The following TNRC6C variants were observed in gnomAD, a reference collection of about 807,000 sequenced individuals.
The protein encoded by TNRC6C is trinucleotide repeat containing adaptor 6C.
In TNRC6C, 20 loss-of-function variants were observed where a neutral mutation model predicts 153.7. The observed-to-expected ratio is 0.13, with a 90% CI of 0.09 to 0.19. The LOEUF is 0.19. Ranked by LOEUF, TNRC6C falls within the 10% of genes least tolerant of loss-of-function variation. The pLI is 1.00. For synonymous variants in TNRC6C, 811 were observed against 841.4 expected, an observed-to-expected ratio of 0.96 and a Z score of 0.63; for missense variants, 1,987 against 2,172.0, an observed-to-expected ratio of 0.91 and a Z score of 1.69.
chr17:78,056,114 T>G (rs551129430), intron 3 of TNRC6C, among the ~76,000 whole-genome samples: 4 of 151,874 alleles, frequency 2.6e-5, no homozygotes, highest in African/African-American at 9.7e-5. Flanking sequence ...CCTCCCAAAG[T>G]GTTGGGATCA....
At chr17:77,963,694 G>T (rs1408115187) in intron 1 of TNRC6C, among the ~76,000 whole-genome samples, 1 of 152,178 alleles carries the variant, frequency 6.6e-6, no homozygotes, top group Non-Finnish European at 1.5e-5. Flanking sequence ...TGAGCCCTCT[G>T]TGGCTGCAAA....
chr17:78,057,881 G>A (rs1013706390), intron 3 of TNRC6C, among the ~76,000 whole-genome samples: 4 of 151,996 alleles, frequency 2.6e-5, no homozygotes, highest in African/African-American at 9.7e-5. Context: ...AATCATTTTT[G>A]TCCTATGCTT....
At chr17:78,083,940 G>T (rs1357286165) in intron 11 of TNRC6C, among the ~76,000 whole-genome samples, 1 of 152,068 alleles carries the variant, frequency 6.6e-6, no homozygotes, top group Non-Finnish European at 1.5e-5. Context: ...TTTAATGTGG[G>T]TATCTGATTT....
At chr17:78,066,430 A>G (rs1271406772) in intron 4 of TNRC6C, 1 of 151,888 alleles carries the variant, frequency 6.6e-6, no homozygotes, top group African/African-American at 2.4e-5. Flanking sequence ...TATTCCATTT[A>G]TATTACTTTT....
At chr17:78,084,026 A>G (rs4789530) in intron 11 of TNRC6C, among the ~76,000 whole-genome samples, 35,104 of 151,998 alleles carry the variant, frequency 0.23, 4,804 homozygotes, top group East Asian at 0.38. Context: ...GCTCATGCCT[A>G]TAATCCCAGC....
chr17:77,992,497 CAAAAAAA>C (rs1333860215), intron 1 of TNRC6C, among the ~76,000 whole-genome samples: 1 of 29,538 alleles, frequency 3.4e-5, no homozygotes, highest in Non-Finnish European at 5.2e-5. Context: ...GACTCCGTCT[CAAAAAAA>C]AAAAAAAAAA....
intron 17 of TNRC6C, among the ~76,000 whole-genome samples, chr17:78,099,899 G>GGTACAGGCATTGGGTAA (rs879795743): frequency 6.2e-4 from 95 of 152,296 alleles, no homozygotes; most frequent in Non-Finnish European, 1.1e-3. Context: ...ATACAATGGG[G>GGTACAGGCATTGGGTAA]GTACAGGCAT....
At chr17:78,009,472 A>G (rs566782329) in intron 1 of TNRC6C, among the ~76,000 whole-genome samples, 31 of 152,332 alleles carry the variant, frequency 2.0e-4, no homozygotes, top group African/African-American at 7.0e-4. Flanking sequence ...TTTCATACAA[A>G]AAGCTCAAAG....
chr17:78,034,258 T>C (rs1298235898), intron 2 of TNRC6C, among the ~76,000 whole-genome samples: 2 of 152,064 alleles, frequency 1.3e-5, no homozygotes, highest in African/African-American at 2.4e-5. Context: ...CATTTCACCA[T>C]GTTGGTCAGG....
intron 1 of TNRC6C, among the ~76,000 whole-genome samples, chr17:77,995,000 G>A (rs2071306375): frequency 2.0e-5 from 3 of 152,202 alleles, no homozygotes; most frequent in Admixed American, 2.0e-4. Flanking sequence ...TCCTCTATCA[G>A]CCAAGAGAGA....
intron 1 of TNRC6C, chr17:78,012,047 AC>A (rs2071642300): frequency 6.6e-6 from 1 of 151,128 alleles, no homozygotes; most frequent in African/African-American, 2.5e-5. Flanking sequence ...GGGCAGAAAG[AC>A]TCATCGCTAC....
chr17:78,034,490 T>C (rs1018176756), intron 2 of TNRC6C, among the ~76,000 whole-genome samples: 1 of 151,866 alleles, frequency 6.6e-6, no homozygotes, highest in African/African-American at 2.4e-5. Flanking sequence ...TACTTCCAGT[T>C]CATTGTCCCC....
chr17:78,055,344 A>G lies in TNRC6C; in HGVS notation c.2395+3887A>G, dbSNP rs147661011. Among the ~76,000 whole-genome samples the G allele has an allele frequency of 3.9e-3, 592 of 152,332 alleles. 5 individuals are homozygous for G. Among genetic ancestry groups the G allele is most frequent in the South Asian group, 8.9e-3 (43 of 4,834 alleles). On this transcript the variant is annotated intron_variant, in intron 3 of 19. Coordinates refer to ENST00000301624, the Ensembl canonical transcript of TNRC6C. ...CCACACGTTGTCCCATTGGAGATCC[A>G]ATAACAGGAAGTACAGTAAAGACAT...
At chr17:77,973,095 C>T (rs931807555) in intron 1 of TNRC6C, among the ~76,000 whole-genome samples, 2 of 152,060 alleles carry the variant, frequency 1.3e-5, no homozygotes, top group East Asian at 1.9e-4. Context: ...TTAGTAAAGA[C>T]GGGGTTTCAC....
At chr17:77,999,871 G>A (rs771423278), upstream of TNRC6C, among the ~76,000 whole-genome samples, 3 of 152,208 alleles carry the variant, frequency 2.0e-5, no homozygotes, top group Non-Finnish European at 2.9e-5. Flanking sequence ...CAGTCTGCTA[G>A]AAAGTTGGAG....
chr17:78,055,756 T>G (rs540898544), intron 3 of TNRC6C, among the ~76,000 whole-genome samples: 1 of 152,276 alleles, frequency 6.6e-6, no homozygotes, highest in African/African-American at 2.4e-5. Context: ...TGGCCATGGT[T>G]GGCAGTCATG....
rs2070860673 is a variant in TNRC6C, at chr17:77,961,321, A to C, written c.-38+2053A>C. On this transcript the variant is annotated intron_variant, in intron 1 of 22. Coordinates refer to the TNRC6C transcript ENST00000636222. ...CAGGTGCCCGCCGCCACGCCCGGCT[A>C]ATTTTTGTATTTTTAGTAGAGACGG... is the stretch of plus-strand genomic sequence containing the variant. 1.3e-5 allele frequency among the ~76,000 whole-genome samples: 2 copies of C among 151,958 alleles called. 1 individual carries two copies. Among genetic ancestry groups the C allele is most frequent in the South Asian group, 4.2e-4 (2 of 4,810 alleles).
rs544861245 is a variant in TNRC6C, at chr17:78,056,535, C to G, written c.2395+5078C>G. ...CTAGAGTGCAGTGGCACAATCTCAG[C>G]TCACTGCAAGCTCCGCCTCCCAGGT... On this transcript the variant is annotated intron_variant, in intron 3 of 19. Coordinates refer to ENST00000301624, the Ensembl canonical transcript of TNRC6C. 3.3e-5 allele frequency among the ~76,000 whole-genome samples: 5 copies of G among 151,606 alleles called. No individual in the cohort carries two copies. The East Asian group carries it at 5.8e-4, about 18-fold the overall frequency.
At chr17:78,064,819 A>T (rs371686758) in exon 4 of TNRC6C, 2 of 1,613,808 alleles carry the variant, frequency 1.2e-6, no homozygotes, top group African/African-American at 2.7e-5. Context: ...ATAATGGCAC[A>T]GCAGCATGGG....
Sources: gnomAD v4.1 joint callset for allele counts (sites outside exome capture counted in the v4.1 genomes callset) on GRCh38, gnomAD v4.1.1 for gene constraint, MANE v1.5 for transcripts, NCBI Gene and HGNC (gene_info 2026-07-23, HGNC 2026-07-21) for gene names.